The following XPOT variants were observed in gnomAD, a reference collection of about 807,000 sequenced individuals.
The protein encoded by XPOT is exportin for tRNA, also known as exportin-T.
Under a neutral mutation model 128.2 loss-of-function variants are expected in XPOT, and 34 were observed. The ratio of observed to expected loss-of-function variants is 0.27; its 90% CI spans 0.20 to 0.35. The LOEUF is 0.35. Among genes scored for constraint, XPOT ranks in the 10% least tolerant of loss-of-function variants. XPOT has a pLI of 1.00. For synonymous variants in XPOT, 348 were observed against 394.3 expected, an observed-to-expected ratio of 0.88 and a Z score of 1.39; for missense variants, 838 against 1,125.3, an observed-to-expected ratio of 0.74 and a Z score of 3.65.
At chr12:64,424,803 G>T in intron 12 of XPOT, 80 bp downstream of exon 12, 1 of 1,535,550 alleles carries the variant, frequency 6.5e-7, no homozygotes, top group South Asian at 1.2e-5. Flanking sequence ...TGATTCATAT[G>T]ACTTATTAAT....
intron 22 of XPOT, among the ~76,000 whole-genome samples, chr12:64,436,253 G>A (rs762565384): frequency 8.6e-5 from 13 of 151,922 alleles, no homozygotes; most frequent in African/African-American, 1.2e-4. Context: ...GAGCCACTGC[G>A]CCTGGCCTAT....
chr12:64,421,567 A>C, intron 9 of XPOT, 96 bp downstream of exon 9: 1 of 766,468 alleles, frequency 1.3e-6, no homozygotes, highest in Non-Finnish European at 2.2e-6. Context: ...GAAAATACCC[A>C]TAATTCTACT....
chr12:64,422,781 G>A (rs1007443548), intron 9 of XPOT, among the ~76,000 whole-genome samples: 6 of 151,748 alleles, frequency 4.0e-5, no homozygotes, highest in Non-Finnish European at 5.9e-5. Context: ...ACATGCCTGC[G>A]GTCCCAGCTA....
intron 11 of XPOT, among the ~76,000 whole-genome samples, chr12:64,423,734 G>T (rs1198111010): frequency 6.6e-6 from 1 of 152,166 alleles, no homozygotes; most frequent in East Asian, 1.9e-4. Flanking sequence ...GATTATAGGT[G>T]TGAGCCACTG....
Position 64,430,185 on chromosome 12 carries a change from T to C in XPOT, c.1874T>C (p.Met625Thr), listed in dbSNP as rs1409643151. 5 of 1,613,160 alleles carry C rather than the reference T, an allele frequency of 3.1e-6. No homozygotes were observed. The highest frequency in any genetic ancestry group is 3.3e-5 in the Admixed American group (2 of 59,720). ...ALMRNLLTPL[M>T]EKFKILLEKL... ...ATGAGGAATCTGTTGACTCCACTAA[T>C]GGAGAAGTTTAAAATTCTGTTAGAA... Residue 625 changes from methionine (M) to threonine (T), a missense_variant, in exon 17 of 25, where the codon ATG becomes ACG. Transcript: ENST00000332707.
chr12:64,413,225 C>T (rs2040056873), intron 2 of XPOT, among the ~76,000 whole-genome samples: 1 of 152,206 alleles, frequency 6.6e-6, no homozygotes, highest in African/African-American at 2.4e-5. Flanking sequence ...ACCTTAGCCT[C>T]CCAAGTAGTT....
rs1292156024 is a variant in XPOT, at chr12:64,448,413, TAAGTC to T, written c.*288_*292del. ...CTTAATTCTTTTTTATTTGAAATTT[TAAGTC>T]AAGTCCTTTATAAAGACCATAGCAG... On this transcript the variant is annotated 3_prime_UTR_variant, in exon 25 of 25. Coordinates refer to ENST00000332707, the MANE Select transcript of XPOT (RefSeq NM_007235.6). The T allele has an allele frequency of 5.6e-6, 2 of 357,218 alleles. No homozygotes were observed. The highest frequency in any genetic ancestry group is 2.1e-5 in the African/African-American group (1 of 48,296). 22.1% of individuals were successfully genotyped at this position (357,218 alleles called of 1,614,324 possible).
At chr12:64,416,796 A>G (rs756554804) in intron 4 of XPOT, 42 bp downstream of exon 4, 3 of 1,524,578 alleles carry the variant, frequency 2.0e-6, no homozygotes, top group South Asian at 2.3e-5. Context: ...TTGCGGGGAG[A>G]GGTCATTTTT....
rs1308001641 is a variant in XPOT, at chr12:64,425,470, G to C, written c.1572+13G>C. 6.2e-7 allele frequency: 1 copy of C among 1,611,576 alleles called. No individual in the cohort carries two copies. Among genetic ancestry groups the C allele is most frequent in the South Asian group, 1.1e-5 (1 of 90,802 alleles). ...TCCATGTGTACTAGTAAGTACTCTG[G>C]ATTTTTGTTACTTTCCATGGGTTTC... On this transcript the variant is annotated intron_variant, in intron 14 of 24. Coordinates refer to ENST00000332707, the MANE Select transcript of XPOT (RefSeq NM_007235.6).
chr12:64,415,654 C>T (rs2040080924), intron 3 of XPOT, among the ~76,000 whole-genome samples: 1 of 152,172 alleles, frequency 6.6e-6, no homozygotes, highest in African/African-American at 2.4e-5. Context: ...GCTGGGATTA[C>T]AGGCGTGAGC....
rs1024358916 is a variant in XPOT at position 64,428,086 on chromosome 12, A to G, written c.1703A>G (p.Asn568Ser). ...QMNPFIEDIL[N>S]RIQDLLELSP... is the part of the protein sequence containing the mutation. The stretch of plus-strand genomic sequence containing the variant: ...AATCCTTTCATTGAGGATATTTTGA[A>G]TAGAATACAAGATTTATTAGAGCTT... Residue 568 changes from asparagine (N) to serine (S), a missense_variant, in exon 16 of 25, where the codon AAT becomes AGT. This residue lies in a region of XPOT where 761 missense variants were observed against 988.3 expected (regional missense o/e 0.77). Transcript: ENST00000332707. 4 of 1,576,222 alleles carry G rather than the reference A, an allele frequency of 2.5e-6. No individual in the cohort carries two copies. Among genetic ancestry groups the G allele is most frequent in the Non-Finnish European group, 3.5e-6 (4 of 1,147,414 alleles).
At position 64,421,360 on chromosome 12, in the gene XPOT, A is replaced by C; in HGVS notation, c.969A>C (p.Gln323His). 6.2e-7 allele frequency: 1 copy of C among 1,613,828 alleles called. No homozygotes were observed. The highest frequency in any genetic ancestry group is 8.5e-7 in the Non-Finnish European group (1 of 1,179,726). The change falls in exon 9 of 25, where the codon CAA becomes CAC. Residue 323 changes from glutamine to histidine, a missense_variant. Coordinates refer to ENST00000332707, the MANE Select transcript of XPOT (RefSeq NM_007235.6). ...GDIKNAQEAL[Q>H]AIETKVALML... ...TTAAGAATGCTCAAGAGGCACTACA[A>C]GCTATTGAAACAAAAGTGGCACTGA...
In XPOT at chr12:64,425,853, T is replaced by G; in HGVS notation, c.1611T>G (p.Ser537Arg). 6.2e-7 allele frequency: 1 copy of G among 1,614,152 alleles called. No homozygotes were observed. Among genetic ancestry groups the G allele is most frequent in the East Asian group, 2.2e-5 (1 of 44,886 alleles). Residue 537 changes from serine to arginine, a missense_variant, in exon 15 of 25, where the codon AGT becomes AGG. Physicochemically the swap from Ser to Arg is moderately radical, Grantham distance 110. This residue lies in a region of XPOT where 761 missense variants were observed against 988.3 expected (regional missense o/e 0.77). Transcript: ENST00000332707. The part of the protein sequence containing the change: ...FLDHRGLRHS[S>R]AKVRSRTAYL... ...ATCACAGAGGTCTGCGGCATTCCAG[T>G]GCAAAAGTTCGGAGCAGGACGGCTT...
chr12:64,434,111 G>A (rs1446772231), intron 19 of XPOT, among the ~76,000 whole-genome samples: 1 of 152,090 alleles, frequency 6.6e-6, no homozygotes, highest in Admixed American at 6.6e-5. Context: ...CACCTCCTGG[G>A]CTATCCTCCC....
chr12:64,420,516 G>A lies in XPOT; in HGVS notation c.838G>A (p.Asp280Asn), dbSNP rs2040128714. 6.2e-7 allele frequency: 1 copy of A among 1,606,238 alleles called. No individual in the cohort carries two copies. ...ACAGTCTGCTGGGTTTTTCAGCATT[G>A]ACCAGGTTGGTAAATTTATATAAAA... Reference protein sequence around the residue: ...VLQSAGFFSIDQEEDVDFLAR... With the variant: ...VLQSAGFFSINQEEDVDFLAR... The change falls in exon 8 of 25, where the codon GAC (aspartate) becomes AAC (asparagine). Residue 280 changes from aspartate (D) to asparagine (N), a missense_variant. Around this residue, in one of 3 missense-constraint regions of XPOT, gnomAD observed 761 missense variants for 988.3 expected, o/e 0.77. Transcript: ENST00000332707.
In XPOT at chr12:64,425,551, A is replaced by T. The variant is rs112734345; in HGVS notation, c.1572+94A>T. On this transcript the variant is annotated intron_variant, in intron 14 of 24. Transcript: ENST00000332707. ...TTTTCTGTCTATAACTTTTCTCAGA[A>T]TCAAAACCTCTCAGAAGTGCTTGGC... is the stretch of plus-strand genomic sequence containing the variant. 212 of 1,476,772 alleles carry T rather than the reference A, an allele frequency of 1.4e-4. 1 individual carries two copies. The African/African-American group carries it at 2.6e-3, about 18-fold the overall frequency. The allele number at this position is 1,476,772 out of a possible 1,614,324, so 91.5% of individuals were successfully genotyped here.
intron 23 of XPOT, among the ~76,000 whole-genome samples, chr12:64,443,547 C>T (rs1321369751): frequency 1.3e-5 from 2 of 152,062 alleles, no homozygotes; most frequent in Non-Finnish European, 2.9e-5. Flanking sequence ...CTCTGCCTCC[C>T]GGGTTTAAGC....
chr12:64,449,613 TC>T lies in XPOT; in HGVS notation c.*1484del, dbSNP rs1393038863. The T allele has an allele frequency of 2.6e-5, 4 of 152,366 alleles. No homozygotes were observed. Among genetic ancestry groups the T allele is most frequent in the South Asian group, 2.1e-4 (1 of 4,832 alleles). 9.4% of individuals were successfully genotyped at this position (152,366 alleles called of 1,614,324 possible). ...TCTAAATTTTGTACATTTATTTTGT[TC>T]CGGTTAATTCCAGAAGACATTTCAA... On this transcript the variant is annotated 3_prime_UTR_variant, in exon 25 of 25. Transcript: ENST00000332707.
In XPOT at chr12:64,431,654, A is replaced by G. The variant is rs748583350; in HGVS notation, c.2093A>G (p.Asp698Gly). The change falls in exon 18 of 25, where the codon GAT becomes GGT. Residue 698 changes from aspartate (D) to glycine (G), a missense_variant. Physicochemically the swap from Asp to Gly is moderately conservative, Grantham distance 94. Around this residue, in one of 3 missense-constraint regions of XPOT, gnomAD observed 761 missense variants for 988.3 expected, o/e 0.77. Transcript: ENST00000332707. ...LPALSCPLQKDILRSGVRTFL... is the reference protein window; with the variant it reads ...LPALSCPLQKGILRSGVRTFL... ...GCCCTCAGTTGTCCCTTACAAAAGGATATTCTCAGAAGTGGAGTCCGTACT... is the reference window on the plus strand; with the variant it reads ...GCCCTCAGTTGTCCCTTACAAAAGGGTATTCTCAGAAGTGGAGTCCGTACT... 5.0e-6 allele frequency: 8 copies of G among 1,613,832 alleles called. No individual in the cohort carries two copies. The highest frequency in any genetic ancestry group is 2.7e-5 in the African/African-American group (2 of 74,924).
Sources: gnomAD v4.1 joint callset for allele counts (sites outside exome capture counted in the v4.1 genomes callset) on GRCh38, gnomAD v4.1.1 for gene constraint, gnomAD v4.1.1 regional missense constraint, MANE v1.5 for transcripts, NCBI Gene and HGNC (gene_info 2026-07-23, HGNC 2026-07-21) for gene names.